The following ANKRA2 variants were observed in gnomAD, a reference collection of about 807,000 sequenced individuals.
ANKRA2 encodes the protein ankyrin repeat family A member 2, also known as ankyrin repeat family A protein 2.
Under a neutral mutation model 37.8 loss-of-function variants are expected in ANKRA2, and 33 were observed. The ratio of observed to expected loss-of-function variants is 0.87; its 90% confidence interval spans 0.66 to 1.17. The LOEUF is 1.17. Among genes scored for constraint, ANKRA2 ranks in the 50% most tolerant of loss-of-function variants. The pLI is 0.00. For synonymous variants in ANKRA2, 126 were observed against 132.3 expected (o/e 0.95, Z 0.33); for missense variants, 326 against 373.7 (o/e 0.87, Z 1.05).
rs1472603499 is a variant in ANKRA2 at position 73,562,821 on chromosome 5, T to C, written c.61A>G (p.Thr21Ala). 6.2e-7 allele frequency: 1 copy of C among 1,614,102 alleles called. No individual in the cohort carries two copies. Among genetic ancestry groups the C allele is most frequent in the Non-Finnish European group, 8.5e-7 (1 of 1,179,950 alleles). ...AQLIVEECPS[T>A]YSLTGMPDIK... ...TCTGGCATGCCAGTTAGGCTATAAG[T>C]GCTGGGACACTCTTCCACGATAAGC... Residue 21 changes from threonine to alanine, a missense_variant, in exon 2 of 9, where the codon ACT becomes GCT. Coordinates refer to ENST00000296785, the MANE Select transcript of ANKRA2 (RefSeq NM_023039.5).
chr5:73,558,174 C>T (rs934587469), intron 3 of ANKRA2, among the ~76,000 whole-genome samples: 5 of 152,040 alleles, frequency 3.3e-5, no homozygotes, highest in African/African-American at 1.2e-4. Context: ...GACAGGGTTT[C>T]GTCATGTTGT....
chr5:73,561,659 C>A (rs554411472), intron 2 of ANKRA2, among the ~76,000 whole-genome samples: 1 of 151,880 alleles, frequency 6.6e-6, no homozygotes, highest in Non-Finnish European at 1.5e-5. Flanking sequence ...CCCAGCTACT[C>A]GGGAGGCTGA....
Position 73,555,564 on chromosome 5 carries a change from T to C in ANKRA2, c.536A>G (p.Asp179Gly). 6.2e-7 allele frequency: 1 copy of C among 1,613,892 alleles called. No individual in the cohort carries two copies. Among genetic ancestry groups the C allele is most frequent in the Non-Finnish European group, 8.5e-7 (1 of 1,179,934 alleles). ...CATCAGAGGAGTAAATCCTTCTTCATCCGTGTGATTGATAACATTTTCTAT... is the reference window on the plus strand; with the variant it reads ...CATCAGAGGAGTAAATCCTTCTTCACCCGTGTGATTGATAACATTTTCTAT... The part of the protein sequence containing the change: ...IEQENVINHT[D>G]EEGFTPLMWA... The change falls in exon 5 of 9, where the codon GAT becomes GGT. Residue 179 changes from aspartate to glycine, a missense_variant. By Grantham distance (94) the Asp-to-Gly change is moderately conservative. Around this residue, in one of 3 missense-constraint regions of ANKRA2, gnomAD observed 228 missense variants for 260.2 expected, o/e 0.88. Transcript: ENST00000296785.
chr5:73,557,401 C>A, intron 4 of ANKRA2, 174 bp downstream of exon 4: 1 of 367,966 alleles, frequency 2.7e-6, no homozygotes, highest in African/African-American at 2.5e-5. Flanking sequence ...AACTTTTACG[C>A]TTTATATTCC....
chr5:73,557,789 A>G, intron 3 of ANKRA2, 149 bp from the exon 4 acceptor site: 1 of 558,258 alleles, frequency 1.8e-6, no homozygotes, highest in Non-Finnish European at 3.1e-6. Flanking sequence ...TGTATCCTAA[A>G]ATTAAGGCTG....
Position 73,554,892 on chromosome 5 carries a change from T to C in ANKRA2, c.707A>G (p.Asp236Gly). Reference sequence around the variant, plus strand: ...ATATTCATTTACATCAACTCCACAATCAAGCAGCATTTTGACAATATCTGT... The same window carrying C: ...ATATTCATTTACATCAACTCCACAACCAAGCAGCATTTTGACAATATCTGT... ...GYTDIVKMLL[D>G]CGVDVNEYDW... Residue 236 changes from aspartate (D) to glycine (G), a missense_variant, in exon 6 of 9, where the codon GAT (aspartate) becomes GGT (glycine). Asp to Gly is a moderately conservative substitution (Grantham distance 94). This residue lies in a region of ANKRA2 where 228 missense variants were observed against 260.2 expected (regional missense o/e 0.88). Coordinates refer to ENST00000296785, the MANE Select transcript of ANKRA2 (RefSeq NM_023039.5). 1 of 1,613,910 alleles carries C rather than the reference T, an allele frequency of 6.2e-7. No homozygotes were observed.
chr5:73,561,663 A>G lies in ANKRA2; in HGVS notation c.290-375T>C, dbSNP rs149849125. 9.1e-3 allele frequency among the ~76,000 whole-genome samples: 1,390 copies of G among 152,168 alleles called. 26 individuals carry two copies. Among genetic ancestry groups the G allele is most frequent in the African/African-American group, 0.031 (1,282 of 41,518 alleles). ...ACGCCTGTAATCCCAGCTACTCGGGAGGCTGAGGCAGGAGAATTGCTTGAA... is the reference window on the plus strand; with the variant it reads ...ACGCCTGTAATCCCAGCTACTCGGGGGGCTGAGGCAGGAGAATTGCTTGAA... On this transcript the variant is annotated intron_variant, in intron 2 of 8. Transcript: ENST00000296785.
Position 73,562,707 on chromosome 5 carries a change from G to A in ANKRA2, c.175C>T (p.Arg59Ter), listed in dbSNP as rs768660232. 183 of 1,613,962 alleles carry A rather than the reference G, an allele frequency of 1.1e-4. No individual in the cohort carries two copies. The highest frequency in any genetic ancestry group is 1.6e-4 in the Middle Eastern group (1 of 6,084). Residue 59 changes from arginine to a stop codon, truncating the protein, a stop_gained, in exon 2 of 9, where the codon CGA (arginine) becomes TGA (stop). Transcript: ENST00000296785. LOFTEE classifies it high-confidence loss of function. ...AMGMKFILPN[R>*]FDMNVCSRFV... The stretch of plus-strand genomic sequence containing the variant: ...CGAGAACACACATTCATATCAAATC[G>A]GTTAGGCAATATGAATTTCATTCCC...
In ANKRA2 at chr5:73,553,261, T is replaced by C. The variant is rs373778178; in HGVS notation, c.886+145A>G. On this transcript the variant is annotated intron_variant, in intron 8 of 8. Transcript: ENST00000296785. ...CATTTCTAGACTTTATAGGAATTTG[T>C]GGACTTTTCCCAAAGTTAAAAGTAT... 3.8e-4 allele frequency: 232 copies of C among 613,664 alleles called. 1 individual carries two copies. The South Asian group carries it at 5.9e-3, about 15-fold the overall frequency. 38.0% of individuals were successfully genotyped at this position (613,664 alleles called of 1,614,324 possible).
chr5:73,558,528 G>A (rs1747460822), intron 3 of ANKRA2, among the ~76,000 whole-genome samples: 1 of 152,038 alleles, frequency 6.6e-6, no homozygotes, highest in Non-Finnish European at 1.5e-5. Flanking sequence ...GGCCTTGAGA[G>A]TAAATTTATT....
At chr5:73,562,535 A>G (rs1747584125) in intron 2 of ANKRA2, 58 bp downstream of exon 2, 3 of 1,463,996 alleles carry the variant, frequency 2.0e-6, no homozygotes, top group Non-Finnish European at 1.8e-6. Flanking sequence ...GATTGGGAAA[A>G]TAACCCAAAT....
chr5:73,560,999 G>T, intron 3 of ANKRA2, 131 bp downstream of exon 3: 2 of 931,110 alleles, frequency 2.1e-6, no homozygotes, highest in Non-Finnish European at 3.1e-6. Context: ...AGGTTGAATA[G>T]TATTCCATTG....
chr5:73,555,763 A>G (rs1346887491), intron 4 of ANKRA2, among the ~76,000 whole-genome samples, 178 bp from the exon 5 acceptor site: 1 of 152,224 alleles, frequency 6.6e-6, no homozygotes, highest in African/African-American at 2.4e-5. Flanking sequence ...TGAGTGTATT[A>G]AAATATGCCT....
intron 1 of ANKRA2, among the ~76,000 whole-genome samples, chr5:73,563,750 G>A (rs1378582380): frequency 1.0e-5 from 1 of 98,776 alleles, no homozygotes; most frequent in Non-Finnish European, 2.3e-5. Context: ...TTTCATGTTA[G>A]GGTTAATTGC....
At chr5:73,561,395 C>CT in intron 2 of ANKRA2, 107 bp from the exon 3 acceptor site, 3 of 1,064,366 alleles carry the variant, frequency 2.8e-6, no homozygotes, top group Non-Finnish European at 4.1e-6. Flanking sequence ...TTCAATTAAA[C>CT]TATTTATCAA....
chr5:73,553,544 T>G, intron 7 of ANKRA2, 58 bp from the exon 8 acceptor site: 1 of 1,401,770 alleles, frequency 7.1e-7, no homozygotes, highest in South Asian at 1.2e-5. Flanking sequence ...TGTTTGTCTG[T>G]TATTGGCTCA....
At chr5:73,557,686 A>C (rs1466243591) in intron 3 of ANKRA2, 46 bp from the exon 4 acceptor site, 3 of 1,372,032 alleles carry the variant, frequency 2.2e-6, no homozygotes, top group South Asian at 2.5e-5. Context: ...TATAGGGTAC[A>C]CTTGCATCAT....
At chr5:73,561,466 C>CA (rs796578276) in intron 2 of ANKRA2, 178 bp from the exon 3 acceptor site, 19,254 of 486,342 alleles carry the variant, frequency 0.04, 1 homozygote, top group East Asian at 0.055. Flanking sequence ...AATGGTTAGT[C>CA]AAAAAAAAAA....
rs779148333 is a variant in ANKRA2 at position 73,554,993 on chromosome 5, T to G, written c.613-7A>C. On this transcript the variant is annotated splice_polypyrimidine_tract_variant and splice_region_variant and intron_variant, in intron 5 of 8. Coordinates refer to ENST00000296785, the MANE Select transcript of ANKRA2 (RefSeq NM_023039.5). Reference sequence around the variant, plus strand: ...AAAGTTGGGGATCAGCACCCTGGTATGGGAAGTAGAGATAAAAGACTTCTC... The same window carrying G: ...AAAGTTGGGGATCAGCACCCTGGTAGGGGAAGTAGAGATAAAAGACTTCTC... 3 of 1,602,994 alleles carry G rather than the reference T, an allele frequency of 1.9e-6. No individual in the cohort carries two copies. In the African/African-American group the frequency reaches 4.0e-5, roughly 22 times the overall value.
Sources: gnomAD v4.1 joint callset for allele counts (sites outside exome capture counted in the v4.1 genomes callset) on GRCh38, gnomAD v4.1.1 for gene constraint, gnomAD v4.1.1 regional missense constraint, MANE v1.5 for transcripts, NCBI Gene and HGNC (gene_info 2026-07-23, HGNC 2026-07-21) for gene names.